Variants in MECOM observed in about 807,000 individuals in gnomAD.
MECOM encodes MDS1 and EVI1 complex locus, also known as histone-lysine N-methyltransferase MECOM.
A neutral mutation model predicts 116.3 loss-of-function variants in MECOM; 13 were observed. That is an observed-to-expected ratio of 0.11 (90% CI 0.07 to 0.18). MECOM has a LOEUF of 0.18. MECOM is among the 10% of genes least tolerant of loss of function. The pLI, the probability that MECOM is intolerant of heterozygous loss-of-function variation, is 1.00. For synonymous variants in MECOM, 528 were observed against 535.2 expected, an observed-to-expected ratio of 0.99 and a Z score of 0.19; for missense variants, 1,299 against 1,509.0, an observed-to-expected ratio of 0.86 and a Z score of 2.31.
At chr3:169,194,883 A>G (rs1465944523) in intron 2 of MECOM, among the ~76,000 whole-genome samples, 1 of 152,052 alleles carries the variant, frequency 6.6e-6, no homozygotes, top group African/African-American at 2.4e-5. Flanking sequence ...ATATTGTGCT[A>G]TCATTTGAGA....
intron 2 of MECOM, among the ~76,000 whole-genome samples, chr3:169,311,598 A>G (rs754986231): frequency 3.9e-5 from 6 of 152,204 alleles, no homozygotes; most frequent in African/African-American, 7.2e-5. Flanking sequence ...TTTACATAAT[A>G]CAGGAAATGG....
chr3:169,119,431 TTTA>T (rs1359214377), intron 7 of MECOM, among the ~76,000 whole-genome samples: 1 of 152,206 alleles, frequency 6.6e-6, no homozygotes, highest in East Asian at 1.9e-4. Context: ...AGGGAAATAC[TTTA>T]TGCAATCTGA....
At chr3:169,452,699 T>C (rs1745810090) in intron 1 of MECOM, among the ~76,000 whole-genome samples, 1 of 152,166 alleles carries the variant, frequency 6.6e-6, no homozygotes, top group African/African-American at 2.4e-5. Flanking sequence ...AATTGACCAA[T>C]AGCTGAGCAC....
rs146825201 is a variant in MECOM at position 169,298,050 on chromosome 3, T to A, written c.375+83137A>T. ...TACATCATCCACGGCAATATTATCA[T>A]CCAGCATCGGGAGAAATAAACCTGA... On this transcript the variant is annotated intron_variant, in intron 2 of 16. Transcript: ENST00000651503. Among the ~76,000 whole-genome samples the A allele has an allele frequency of 4.3e-3, 657 of 152,266 alleles. 2 individuals are homozygous for A. Among genetic ancestry groups the A allele is most frequent in the South Asian group, 0.019 (93 of 4,828 alleles).
rs201180557 is a variant in MECOM at position 169,089,198 on chromosome 3, C to G, written c.3402-15G>C. 9.6e-6 allele frequency: 14 copies of G among 1,464,908 alleles called. No individual in the cohort carries two copies. The Admixed American group carries it at 3.7e-4, about 38-fold the overall frequency. The allele number at this position is 1,464,908 out of a possible 1,614,324, so 90.7% of individuals were successfully genotyped here. On this transcript the variant is annotated splice_polypyrimidine_tract_variant and intron_variant, in intron 15 of 16. Coordinates refer to ENST00000651503, the MANE Select transcript of MECOM (RefSeq NM_004991.4). The stretch of plus-strand genomic sequence containing the variant: ...CCTCTTTATACCTAAAATGAACCAA[C>G]GAAAAACACAGAAATTTTCTTTTCA...
intron 1 of MECOM, among the ~76,000 whole-genome samples, chr3:169,432,005 T>A (rs757638803): frequency 6.6e-6 from 1 of 152,088 alleles, no homozygotes; most frequent in East Asian, 1.9e-4. Context: ...TTCACCTTTT[T>A]TTTTTTCACA....
chr3:169,437,548 C>A (rs1742869120), intron 1 of MECOM, among the ~76,000 whole-genome samples: 1 of 152,140 alleles, frequency 6.6e-6, no homozygotes, highest in African/African-American at 2.4e-5. Flanking sequence ...AATTATAACT[C>A]TCTCCATTTA....
At chr3:169,330,678 C>T (rs150502147) in intron 2 of MECOM, among the ~76,000 whole-genome samples, 2,793 of 151,748 alleles carry the variant, frequency 0.018, 47 homozygotes, top group African/African-American at 0.039. Flanking sequence ...TTTATAAACG[C>T]CTAGAGCAAT....
chr3:169,108,647 GT>G (rs1726265233), intron 9 of MECOM, among the ~76,000 whole-genome samples: 1 of 152,132 alleles, frequency 6.6e-6, no homozygotes, highest in Non-Finnish European at 1.5e-5. Context: ...GCTTATACAT[GT>G]TTTGGTATAT....
At chr3:169,100,986 G>A in intron 11 of MECOM, 24 bp from the exon 12 acceptor site, 1 of 1,571,632 alleles carries the variant, frequency 6.4e-7, no homozygotes, top group Non-Finnish European at 8.7e-7. Flanking sequence ...ATGTTTATAA[G>A]AGAAAGTCAG....
intron 2 of MECOM, among the ~76,000 whole-genome samples, chr3:169,220,108 C>G (rs1332355262): frequency 6.6e-6 from 1 of 151,986 alleles, no homozygotes; most frequent in African/African-American, 2.4e-5. Flanking sequence ...AGGTGGATCA[C>G]TTGAGTTTAG....
intron 1 of MECOM, among the ~76,000 whole-genome samples, chr3:169,486,026 A>ATAC (rs1485601042): frequency 3.2e-5 from 4 of 123,716 alleles, no homozygotes; most frequent in African/African-American, 6.0e-5. Context: ...ATGTATATAT[A>ATAC]GTATATATAT....
chr3:169,619,570 A>G (rs998833008), intron 1 of MECOM, among the ~76,000 whole-genome samples: 10 of 152,214 alleles, frequency 6.6e-5, no homozygotes, highest in Admixed American at 5.9e-4. Context: ...AAGGCAGGCC[A>G]CCACCGAGCC....
At chr3:169,553,811 A>C (rs867042782) in intron 1 of MECOM, among the ~76,000 whole-genome samples, 6 of 152,082 alleles carry the variant, frequency 3.9e-5, no homozygotes, top group South Asian at 2.1e-4. Context: ...GTCTCTCTCT[A>C]TGTGTCCTAA....
At chr3:169,548,597 T>C (rs1220965248) in intron 1 of MECOM, among the ~76,000 whole-genome samples, 1 of 152,208 alleles carries the variant, frequency 6.6e-6, no homozygotes, top group South Asian at 2.1e-4. Flanking sequence ...TTCAGGCCGA[T>C]AGTTTGATGA....
At chr3:169,108,171 AT>A (rs869133236) in intron 9 of MECOM, among the ~76,000 whole-genome samples, 1 of 152,190 alleles carries the variant, frequency 6.6e-6, no homozygotes, top group Non-Finnish European at 1.5e-5. Context: ...ATCAAGGTTA[AT>A]TTCCACAAGA....
At chr3:169,496,502 A>G (rs971847077) in intron 1 of MECOM, among the ~76,000 whole-genome samples, 3 of 152,154 alleles carry the variant, frequency 2.0e-5, no homozygotes, top group African/African-American at 7.2e-5. Flanking sequence ...TTTTTCAGGA[A>G]GCTAATTCTG....
intron 1 of MECOM, among the ~76,000 whole-genome samples, chr3:169,409,351 T>G (rs1199755473): frequency 6.6e-6 from 1 of 152,248 alleles, no homozygotes; most frequent in African/African-American, 2.4e-5. Flanking sequence ...TTACTTTGTC[T>G]TATTTTGCTT....
chr3:169,243,227 G>A (rs1488460580), intron 2 of MECOM, among the ~76,000 whole-genome samples: 1 of 152,104 alleles, frequency 6.6e-6, no homozygotes, highest in Non-Finnish European at 1.5e-5. Context: ...CCACTATAAA[G>A]TACTCCCCCA....
Sources: gnomAD v4.1 joint callset for allele counts (sites outside exome capture counted in the v4.1 genomes callset) on GRCh38, gnomAD v4.1.1 for gene constraint, MANE v1.5 for transcripts, NCBI Gene and HGNC (gene_info 2026-07-23, HGNC 2026-07-21) for gene names.